PALD1: variants seen among roughly 807,000 people sequenced by gnomAD.
The protein encoded by PALD1 is phosphatase domain containing paladin 1, also known as paladin.
Under a neutral mutation model 96.0 loss-of-function variants are expected in PALD1, and 57 were observed. That is an observed-to-expected ratio of 0.59 (90% CI 0.48 to 0.74). The LOEUF (loss-of-function observed/expected upper bound fraction) is 0.74, where lower values mean the gene tolerates loss of function less well. Among genes scored for constraint, PALD1 ranks in the 30% least tolerant of loss-of-function variants. PALD1 has a pLI of 0.00. For missense variants in PALD1, 1,063 were observed against 1,143.7 expected (o/e 0.93, Z 1.02); for synonymous variants, 464 against 473.6 (o/e 0.98, Z 0.26).
chr10:70,469,148 T>G, the PALD1 span, among the ~76,000 whole-genome samples: 3 of 152,188 alleles, frequency 2.0e-5, no homozygotes, highest in East Asian at 5.8e-4. Context: ...CACCCCAGGC[T>G]GGCAGGCGGC....
chr10:70,509,189 G>T (rs569695793), intron 1 of PALD1, among the ~76,000 whole-genome samples: 1 of 152,136 alleles, frequency 6.6e-6, no homozygotes, highest in African/African-American at 2.4e-5. Flanking sequence ...GCCCCCTGCC[G>T]GTCCCTGCTC....
intron 1 of PALD1, among the ~76,000 whole-genome samples, chr10:70,501,569 C>T (rs1365146594): frequency 1.3e-5 from 2 of 152,170 alleles, no homozygotes; most frequent in African/African-American, 2.4e-5. Flanking sequence ...GTCCTCACCC[C>T]GTGGGGTCAG....
intron 6 of PALD1, 103 bp downstream of exon 6, chr10:70,532,884 A>T (rs1847024916): frequency 2.0e-6 from 3 of 1,510,780 alleles, no homozygotes; most frequent in Middle Eastern, 4.5e-4. Context: ...AGTCCCCCAC[A>T]CCCATGTCTC....
intron 1 of PALD1, among the ~76,000 whole-genome samples, chr10:70,519,196 G>T (rs1355324907): frequency 6.6e-6 from 1 of 152,200 alleles, no homozygotes; most frequent in Non-Finnish European, 1.5e-5. Flanking sequence ...GCCCACCTCA[G>T]CCTCCCAAAG....
At chr10:70,558,148 G>T (rs1302290865) in intron 18 of PALD1, among the ~76,000 whole-genome samples, 4 of 151,824 alleles carry the variant, frequency 2.6e-5, no homozygotes, top group Non-Finnish European at 5.9e-5. Flanking sequence ...ATCTTGCTCT[G>T]TTGCCTGGGT....
At chr10:70,520,685 C>CTTTTT (rs10545684) in intron 1 of PALD1, among the ~76,000 whole-genome samples, 43 of 87,674 alleles carry the variant, frequency 4.9e-4, no homozygotes, top group South Asian at 1.1e-3. Flanking sequence ...TTCTTTCTTT[C>CTTTTT]TTTTTTTTTT....
At chr10:70,517,772 C>T (rs183571507) in intron 1 of PALD1, among the ~76,000 whole-genome samples, 235 of 152,308 alleles carry the variant, frequency 1.5e-3, no homozygotes, top group African/African-American at 5.4e-3. Flanking sequence ...GACCTGCTGT[C>T]TGCCCCTGCA....
intron 1 of PALD1, among the ~76,000 whole-genome samples, chr10:70,508,432 G>A (rs1846438077): frequency 1.3e-5 from 2 of 152,220 alleles, no homozygotes; most frequent in Admixed American, 1.3e-4. Context: ...GCAGGTTGGA[G>A]AAGGGCTGGG....
Position 70,566,873 on chromosome 10 carries a change from G to A in PALD1, c.*140G>A. 1 of 607,516 alleles carries A rather than the reference G, an allele frequency of 1.6e-6. No individual in the cohort carries two copies. The highest frequency in any genetic ancestry group is 2.2e-5 in the South Asian group (1 of 45,840). The allele number at this position is 607,516 out of a possible 1,614,324, so 37.6% of individuals were successfully genotyped here. On this transcript the variant is annotated 3_prime_UTR_variant, in exon 20 of 20. Coordinates refer to ENST00000263563, the MANE Select transcript of PALD1 (RefSeq NM_014431.3). ...CTTCCTGGAGAGACTGAGCGGAGTTGGGAGCCTTTTTAGAAAGAACTTTTT... is the reference window on the plus strand; with the variant it reads ...CTTCCTGGAGAGACTGAGCGGAGTTAGGAGCCTTTTTAGAAAGAACTTTTT...
intron 1 of PALD1, among the ~76,000 whole-genome samples, chr10:70,506,777 C>T (rs1195770286): frequency 6.6e-6 from 1 of 152,176 alleles, no homozygotes; most frequent in Non-Finnish European, 1.5e-5. Context: ...TCAGGCAACT[C>T]TCCCTCATGG....
chr10:70,464,943 ATG>A, the PALD1 span, among the ~76,000 whole-genome samples: 1 of 105,128 alleles, frequency 9.5e-6, no homozygotes, highest in Non-Finnish European at 1.8e-5. Context: ...GTACACTTGT[ATG>A]TATGTATGTA....
chr10:70,553,789 ACCTTGAGCCCTG>A (rs1264328182), intron 18 of PALD1, among the ~76,000 whole-genome samples: 2 of 152,162 alleles, frequency 1.3e-5, no homozygotes, highest in African/African-American at 4.8e-5. Flanking sequence ...CTCCCTGCCC[ACCTTGAGCCCTG>A]CTGCAGGGAA....
intron 18 of PALD1, among the ~76,000 whole-genome samples, chr10:70,559,181 G>T (rs1482976583): frequency 2.0e-5 from 3 of 152,168 alleles, no homozygotes; most frequent in Non-Finnish European, 2.9e-5. Context: ...GTGAGGGGTG[G>T]TTAGGCAGGG....
chr10:70,529,312 C>T lies in PALD1; in HGVS notation c.269C>T (p.Pro90Leu). 1 of 1,593,604 alleles carries T rather than the reference C, an allele frequency of 6.3e-7. No individual in the cohort carries two copies. The highest frequency in any genetic ancestry group is 8.6e-7 in the Non-Finnish European group (1 of 1,165,838). ...YTLGRLSDNTPEHYLVQGRYF... is the reference protein window; with the variant it reads ...YTLGRLSDNTLEHYLVQGRYF... Reference sequence around the variant, plus strand: ...TTGGGCCGGCTCTCGGACAACACCCCTGAGCACTACCTGGTGCAAGTGAGC... The same window carrying T: ...TTGGGCCGGCTCTCGGACAACACCCTTGAGCACTACCTGGTGCAAGTGAGC... The change falls in exon 3 of 20, where the codon CCT becomes CTT. Residue 90 changes from proline to leucine, a missense_variant. By Grantham distance (98) the Pro-to-Leu change is moderately conservative. Transcript: ENST00000263563.
At chr10:70,509,066 G>A (rs956912131) in intron 1 of PALD1, among the ~76,000 whole-genome samples, 1 of 152,178 alleles carries the variant, frequency 6.6e-6, no homozygotes, top group Non-Finnish European at 1.5e-5. Flanking sequence ...CCCCAGAGTC[G>A]GGCCCTATTT....
At chr10:70,542,266 C>T (rs1019827476) in intron 17 of PALD1, among the ~76,000 whole-genome samples, 2 of 152,138 alleles carry the variant, frequency 1.3e-5, no homozygotes, top group African/African-American at 4.8e-5. Flanking sequence ...TTCCTTTTTC[C>T]TTTTCTTTAT....
chr10:70,501,834 T>TGTGTGTGTGTGTGTGCGCGC lies in PALD1; in HGVS notation c.-30+22776_-30+22777insTGTGTGTGTGTGTGCGCGCG, dbSNP rs774868338. ...TACTCTGTGTGTGTGTGTGTGTGTG[T>TGTGTGTGTGTGTGTGCGCGC]GCGTGCGTGCATGCATACCTGTGTT... On this transcript the variant is annotated intron_variant, in intron 1 of 19. Coordinates refer to ENST00000263563, the MANE Select transcript of PALD1 (RefSeq NM_014431.3). Among the ~76,000 whole-genome samples the TGTGTGTGTGTGTGTGCGCGC allele has an allele frequency of 8.6e-4, 129 of 149,494 alleles. 1 individual carries two copies. Among genetic ancestry groups the TGTGTGTGTGTGTGTGCGCGC allele is most frequent in the Middle Eastern group, 3.4e-3 (1 of 294 alleles).
intron 1 of PALD1, among the ~76,000 whole-genome samples, chr10:70,497,564 CTT>C (rs34038407): frequency 0.065 from 9,164 of 142,074 alleles, 369 homozygotes; most frequent in African/African-American, 0.13. Context: ...GCATTAAAAA[CTT>C]TTTTTTTTTT....
At chr10:70,525,468 T>A (rs1442303436) in intron 1 of PALD1, among the ~76,000 whole-genome samples, 2 of 151,918 alleles carry the variant, frequency 1.3e-5, no homozygotes. Context: ...TCCAAAGCCT[T>A]CAAATCCAAG....
Sources: gnomAD v4.1 joint callset for allele counts (sites outside exome capture counted in the v4.1 genomes callset) on GRCh38, gnomAD v4.1.1 for gene constraint, MANE v1.5 for transcripts, NCBI Gene and HGNC (gene_info 2026-07-23, HGNC 2026-07-21) for gene names.